SIPA1L2: variants seen among roughly 807,000 people sequenced by gnomAD.
The protein encoded by SIPA1L2 is signal induced proliferation associated 1 like 2.
In SIPA1L2, 56 loss-of-function variants were observed where a neutral mutation model predicts 163.9. That is an observed-to-expected ratio of 0.34 (90% CI 0.28 to 0.43). The LOEUF is 0.43. SIPA1L2 is among the 20% of genes least tolerant of loss of function. SIPA1L2 has a pLI of 1.00. For synonymous variants in SIPA1L2, 877 were observed against 865.7 expected (o/e 1.01, Z -0.23); for missense variants, 1,974 against 2,193.5 (o/e 0.90, Z 2.00).
At chr1:232,462,181 A>G in intron 9 of SIPA1L2, 2 of 1,536,176 alleles carry the variant, frequency 1.3e-6, no homozygotes, top group Non-Finnish European at 1.8e-6. Context: ...TGCAGCCCTC[A>G]AAAGCACTCA....
rs146259051 is a variant in SIPA1L2 at position 232,562,659 on chromosome 1, C to G, written c.-270+11515G>C. ...AGAATGGATTCGAAGCCAACAAGAT[C>G]TGATTGCCATTTTAAAAACAAATGT... On this transcript the variant is annotated intron_variant, in intron 2 of 22. Coordinates refer to ENST00000674635, the MANE Select transcript of SIPA1L2 (RefSeq NM_020808.5). Among the ~76,000 whole-genome samples the G allele has an allele frequency of 1.1e-4, 17 of 152,306 alleles. No homozygotes were observed. The East Asian group carries it at 3.3e-3, about 29-fold the overall frequency.
intron 1 of SIPA1L2, among the ~76,000 whole-genome samples, chr1:232,589,416 C>T (rs988903169): frequency 6.6e-6 from 1 of 152,206 alleles, no homozygotes; most frequent in African/African-American, 2.4e-5. Flanking sequence ...TTGTCTTTTG[C>T]CACCATTGGC....
At chr1:232,429,376 T>C (rs1572884465) in intron 16 of SIPA1L2, among the ~76,000 whole-genome samples, 1 of 152,224 alleles carries the variant, frequency 6.6e-6, no homozygotes, top group Non-Finnish European at 1.5e-5. Context: ...CTGAATGTTA[T>C]TGCTGTGTGC....
At position 232,461,162 on chromosome 1, in the gene SIPA1L2, C is replaced by G; in HGVS notation, c.2821-1G>C. ...CAGTCTCGCAGCCTCTCGTCACTATCTAAGGGGGAAGGAGACTGTTAGAGA... is the reference window on the plus strand; with the variant it reads ...CAGTCTCGCAGCCTCTCGTCACTATGTAAGGGGGAAGGAGACTGTTAGAGA... On this transcript the variant is annotated splice_acceptor_variant, in intron 9 of 22. Transcript: ENST00000674635. LOFTEE classifies it high-confidence loss of function. The G allele has an allele frequency of 6.2e-7, 1 of 1,613,276 alleles. No homozygotes were observed.
rs182211480 is a variant in SIPA1L2 at position 232,428,396 on chromosome 1, C to G, written c.4410+15G>C. ...TAGTGTTTCTGGTAACTTCAAAGCT[C>G]CCTAAGTCACTAACCTTTCTTCGCC... On this transcript the variant is annotated intron_variant, in intron 17 of 22. Coordinates refer to ENST00000674635, the MANE Select transcript of SIPA1L2 (RefSeq NM_020808.5). 1 of 1,451,224 alleles carries G rather than the reference C, an allele frequency of 6.9e-7. No homozygotes were observed. The highest frequency in any genetic ancestry group is 9.1e-7 in the Non-Finnish European group (1 of 1,097,770). 89.9% of individuals were successfully genotyped at this position (1,451,224 alleles called of 1,614,324 possible).
At chr1:232,528,248 C>T (rs999974174) in intron 2 of SIPA1L2, among the ~76,000 whole-genome samples, 12 of 151,642 alleles carry the variant, frequency 7.9e-5, no homozygotes, top group Non-Finnish European at 1.3e-4. Context: ...AAAAAATCTC[C>T]GAAGAGACAA....
chr1:232,545,966 TTTCTTCCCTTCTCTTTC>T (rs1333907138), intron 2 of SIPA1L2, among the ~76,000 whole-genome samples: 1 of 152,218 alleles, frequency 6.6e-6, no homozygotes, highest in Non-Finnish European at 1.5e-5. Context: ...AAGAAGTTTC[TTTCTTCCCTTCTCTTTC>T]TGGTGTCACT....
At chr1:232,567,528 T>G (rs1220461031) in intron 2 of SIPA1L2, among the ~76,000 whole-genome samples, 1 of 152,196 alleles carries the variant, frequency 6.6e-6, no homozygotes, top group Non-Finnish European at 1.5e-5. Context: ...AAATTTCTAA[T>G]TAACAAGTAA....
At chr1:232,570,882 T>C (rs1659687091) in intron 2 of SIPA1L2, among the ~76,000 whole-genome samples, 1 of 147,524 alleles carries the variant, frequency 6.8e-6, no homozygotes. Context: ...AACTAAAATA[T>C]GGAAAGTAAT....
chr1:232,424,650 T>A (rs1661781321), intron 18 of SIPA1L2, among the ~76,000 whole-genome samples: 1 of 152,232 alleles, frequency 6.6e-6, no homozygotes, highest in African/African-American at 2.4e-5. Flanking sequence ...GGACTCTTTA[T>A]AACAGGCAGG....
intron 2 of SIPA1L2, among the ~76,000 whole-genome samples, chr1:232,521,684 A>G (rs1341064622): frequency 6.6e-6 from 1 of 152,188 alleles, no homozygotes; most frequent in African/African-American, 2.4e-5. Flanking sequence ...GAGTCGACAC[A>G]GTATCATAAC....
chr1:232,535,218 G>A (rs570231595), intron 2 of SIPA1L2, among the ~76,000 whole-genome samples: 1 of 152,114 alleles, frequency 6.6e-6, no homozygotes, highest in Non-Finnish European at 1.5e-5. Context: ...GAAAGTACGC[G>A]TATGCCTAAG....
chr1:232,544,832 T>C (rs148881384), intron 2 of SIPA1L2, among the ~76,000 whole-genome samples: 2 of 152,144 alleles, frequency 1.3e-5, no homozygotes, highest in South Asian at 4.1e-4. Flanking sequence ...CATTGTTATA[T>C]CACAATCAAA....
rs367596068 is a variant in SIPA1L2 at position 232,415,669 on chromosome 1, C to A, written c.4631-44G>T. On this transcript the variant is annotated intron_variant, in intron 18 of 22. Coordinates refer to ENST00000674635, the MANE Select transcript of SIPA1L2 (RefSeq NM_020808.5). ...AGAGAGTCAGTCATCAGTCACAGCACGGGCACCAGCCCAGAGTGAGTCAGA... is the reference window on the plus strand; with the variant it reads ...AGAGAGTCAGTCATCAGTCACAGCAAGGGCACCAGCCCAGAGTGAGTCAGA... 3 of 1,612,056 alleles carry A rather than the reference C, an allele frequency of 1.9e-6. No homozygotes were observed. In the African/African-American group the frequency reaches 4.0e-5, roughly 22 times the overall value.
At chr1:232,407,942 T>C (rs1273085323) in intron 19 of SIPA1L2, among the ~76,000 whole-genome samples, 1 of 152,160 alleles carries the variant, frequency 6.6e-6, no homozygotes, top group Non-Finnish European at 1.5e-5. Context: ...ATAGCCAGGT[T>C]TTCTGGTCGG....
intron 6 of SIPA1L2, among the ~76,000 whole-genome samples, chr1:232,480,154 C>CGTGTGTGTGTGCGTGT: frequency 7.5e-6 from 1 of 132,826 alleles, no homozygotes; most frequent in South Asian, 2.5e-4. Context: ...TGTGTGTGTG[C>CGTGTGTGTGTGCGTGT]GTGTGTGTGT....
intron 10 of SIPA1L2, among the ~76,000 whole-genome samples, chr1:232,454,152 C>A (rs1482461933): frequency 1.3e-5 from 2 of 152,054 alleles, no homozygotes; most frequent in Non-Finnish European, 1.5e-5. Flanking sequence ...ATGAAATAGG[C>A]ACTAAATGAA....
intron 2 of SIPA1L2, among the ~76,000 whole-genome samples, chr1:232,535,391 T>C (rs537764832): frequency 6.6e-6 from 1 of 152,198 alleles, no homozygotes; most frequent in Non-Finnish European, 1.5e-5. Flanking sequence ...CTGGTTTGAT[T>C]GTAAAATGTC....
At chr1:232,505,095 G>T (rs144132424) in intron 3 of SIPA1L2, among the ~76,000 whole-genome samples, 79 of 152,250 alleles carry the variant, frequency 5.2e-4, no homozygotes, top group Admixed American at 8.5e-4. Flanking sequence ...AAAGACTGAA[G>T]AAGGAAGGAA....
Sources: gnomAD v4.1 joint callset for allele counts (sites outside exome capture counted in the v4.1 genomes callset) on GRCh38, gnomAD v4.1.1 for gene constraint, MANE v1.5 for transcripts, NCBI Gene and HGNC (gene_info 2026-07-23, HGNC 2026-07-21) for gene names.